The following CADPS2 variants were observed in gnomAD, a reference collection of about 807,000 sequenced individuals.
The protein encoded by CADPS2 is calcium-dependent secretion activator 2.
CADPS2 carries 93 observed loss-of-function variants against 172.5 expected under a neutral mutation model. The ratio of observed to expected loss-of-function variants is 0.54; its 90% CI spans 0.46 to 0.64. CADPS2 has a LOEUF of 0.64. Among genes scored for constraint, CADPS2 ranks in the 30% least tolerant of loss-of-function variants. CADPS2 has a pLI of 0.00. For synonymous variants in CADPS2, 546 were observed against 555.2 expected, an observed-to-expected ratio of 0.98 and a Z score of 0.23; for missense variants, 1,420 against 1,565.9, an observed-to-expected ratio of 0.91 and a Z score of 1.57.
intron 1 of CADPS2, among the ~76,000 whole-genome samples, chr7:122,814,169 G>A (rs895976097): frequency 6.7e-6 from 1 of 148,576 alleles, no homozygotes; most frequent in African/African-American, 2.5e-5. Flanking sequence ...TGATAACATG[G>A]TAAGAATTTG....
intron 5 of CADPS2, among the ~76,000 whole-genome samples, chr7:122,621,060 C>G (rs750172191): frequency 4.6e-5 from 7 of 151,940 alleles, no homozygotes; most frequent in African/African-American, 9.7e-5. Context: ...CTCACATCAT[C>G]ATGACTGGAT....
Position 122,820,561 on chromosome 7 carries a change from T to G in CADPS2, c.339+65438A>C, listed in dbSNP as rs1223640320. ...CTTACTGTTTTTTGTTTTTTGTTTT[T>G]TTTTTTTTTTTTTTTTGAGACGGAG... On this transcript the variant is annotated intron_variant, in intron 1 of 29. Coordinates refer to ENST00000449022, the MANE Select transcript of CADPS2 (RefSeq NM_017954.11). 1.6e-4 allele frequency among the ~76,000 whole-genome samples: 18 copies of G among 113,120 alleles called. 5 individuals are homozygous for G. The highest frequency in any genetic ancestry group is 5.1e-4 in the African/African-American group (13 of 25,346). 74.2% of individuals were successfully genotyped at this position (113,120 alleles called of 152,430 possible).
chr7:122,675,404 A>G (rs1328228807), intron 2 of CADPS2, among the ~76,000 whole-genome samples: 2 of 152,208 alleles, frequency 1.3e-5, no homozygotes, highest in Non-Finnish European at 2.9e-5. Context: ...TGAAAACTCT[A>G]AAGTGATGTT....
chr7:122,856,786 T>G (rs1172469634), intron 1 of CADPS2, among the ~76,000 whole-genome samples: 1 of 152,218 alleles, frequency 6.6e-6, no homozygotes, highest in South Asian at 2.1e-4. Flanking sequence ...ACATTTTGGT[T>G]AAAAAATGAA....
At chr7:122,487,796 A>C (rs1301807745) in intron 11 of CADPS2, among the ~76,000 whole-genome samples, 1 of 152,200 alleles carries the variant, frequency 6.6e-6, no homozygotes, top group Non-Finnish European at 1.5e-5. Context: ...GGAGGAGTGA[A>C]TAGAAATAAA....
At position 122,491,369 on chromosome 7, in the gene CADPS2, G is replaced by A. The variant is rs1359369885; in HGVS notation, c.1594C>T (p.Pro532Ser). 1 of 1,611,678 alleles carries A rather than the reference G, an allele frequency of 6.2e-7. No homozygotes were observed. Among genetic ancestry groups the A allele is most frequent in the Admixed American group, 1.7e-5 (1 of 59,838 alleles). Residue 532 changes from proline (P) to serine (S), a missense_variant, in exon 10 of 30, where the codon CCA becomes TCA. Coordinates refer to ENST00000449022, the MANE Select transcript of CADPS2 (RefSeq NM_017954.11). ...CCTTCAAGCTGCATTAATTCTTGTG[G>A]TTCAGACTTCTTTTCTCTATAACTG... ...MCSYREKKSE[P>S]QELMQLEGYT...
At chr7:122,620,068 A>G (rs939569049) in intron 5 of CADPS2, among the ~76,000 whole-genome samples, 24 of 152,214 alleles carry the variant, frequency 1.6e-4, no homozygotes, top group African/African-American at 5.8e-4. Context: ...AATAAAAATC[A>G]AAGTTTTCTT....
At chr7:122,645,773 C>T (rs900143587) in intron 3 of CADPS2, among the ~76,000 whole-genome samples, 1 of 145,094 alleles carries the variant, frequency 6.9e-6, no homozygotes, top group African/African-American at 2.5e-5. Context: ...ATCACTGCCC[C>T]CTGCTATATA....
At chr7:122,638,927 C>T (rs930288565) in intron 3 of CADPS2, among the ~76,000 whole-genome samples, 9 of 152,214 alleles carry the variant, frequency 5.9e-5, no homozygotes, top group South Asian at 2.1e-4. Context: ...TTCCTCTCCA[C>T]GAGAGCAGTA....
At chr7:122,656,276 AG>A (rs2079777647) in intron 3 of CADPS2, among the ~76,000 whole-genome samples, 1 of 152,130 alleles carries the variant, frequency 6.6e-6, no homozygotes, top group Admixed American at 6.5e-5. Flanking sequence ...GGCAGAAAAA[AG>A]GGGGAGAAAG....
intron 1 of CADPS2, among the ~76,000 whole-genome samples, chr7:122,789,808 T>C (rs552733681): frequency 1.3e-5 from 2 of 152,210 alleles, no homozygotes; most frequent in East Asian, 1.9e-4. Context: ...GCAAAAACTA[T>C]GTGTGGAAAA....
chr7:122,864,446 C>A (rs1160200817), intron 1 of CADPS2, among the ~76,000 whole-genome samples: 1 of 151,856 alleles, frequency 6.6e-6, no homozygotes, highest in Non-Finnish European at 1.5e-5. Context: ...TGCCACTGCA[C>A]TCGAGCCTGG....
chr7:122,810,304 C>T (rs1799747427), intron 1 of CADPS2, among the ~76,000 whole-genome samples: 1 of 152,122 alleles, frequency 6.6e-6, no homozygotes, highest in Admixed American at 6.5e-5. Flanking sequence ...GACCTACTTC[C>T]ACCCCTTGGA....
chr7:122,837,471 A>G (rs1314129459), intron 1 of CADPS2, among the ~76,000 whole-genome samples: 1 of 152,228 alleles, frequency 6.6e-6, no homozygotes, highest in Non-Finnish European at 1.5e-5. Context: ...AACCCTTCCA[A>G]AAATCAGTGA....
At chr7:122,548,825 T>C (rs1222535449) in intron 8 of CADPS2, among the ~76,000 whole-genome samples, 2 of 152,192 alleles carry the variant, frequency 1.3e-5, no homozygotes, top group African/African-American at 4.8e-5. Context: ...AAAGCCCTTA[T>C]GTAATATTTT....
At chr7:122,684,991 T>C (rs2083464409) in intron 2 of CADPS2, among the ~76,000 whole-genome samples, 1 of 152,248 alleles carries the variant, frequency 6.6e-6, no homozygotes, top group Non-Finnish European at 1.5e-5. Flanking sequence ...TTCCCTGGCA[T>C]ACAGTGGCTC....
chr7:122,556,879 A>G (rs1372621903), intron 7 of CADPS2, among the ~76,000 whole-genome samples: 4 of 152,028 alleles, frequency 2.6e-5, no homozygotes, highest in Non-Finnish European at 2.9e-5. Context: ...TGATAATATC[A>G]CTTCTTCCTA....
intron 12 of CADPS2, among the ~76,000 whole-genome samples, chr7:122,479,374 G>C (rs1479043390): frequency 6.6e-6 from 1 of 152,180 alleles, no homozygotes; most frequent in Non-Finnish European, 1.5e-5. Flanking sequence ...GAAGTTAAAA[G>C]TGGCACAGCA....
chr7:122,734,378 A>AAAAAAAAAG (rs2091967429), intron 2 of CADPS2, among the ~76,000 whole-genome samples: 1 of 90,634 alleles, frequency 1.1e-5, no homozygotes, highest in African/African-American at 3.6e-5. Flanking sequence ...AAAAAAAAAA[A>AAAAAAAAAG]AAAAAAAAGA....
Sources: gnomAD v4.1 joint callset for allele counts (sites outside exome capture counted in the v4.1 genomes callset) on GRCh38, gnomAD v4.1.1 for gene constraint, MANE v1.5 for transcripts, NCBI Gene and HGNC (gene_info 2026-07-23, HGNC 2026-07-21) for gene names.